The following SLC66A2 variants were observed in gnomAD, a reference collection of about 807,000 sequenced individuals.
The protein encoded by SLC66A2 is PQ loop repeat containing 1.
Under a neutral mutation model 25.5 loss-of-function variants are expected in SLC66A2, and 23 were observed. That is an observed-to-expected ratio of 0.90 (90% CI 0.65 to 1.28). SLC66A2 has a LOEUF of 1.28. Among genes scored for constraint, SLC66A2 ranks in the 50% most tolerant of loss-of-function variants. The pLI, the probability that SLC66A2 is intolerant of heterozygous loss-of-function variation, is 0.00. For missense variants in SLC66A2, 396 were observed against 373.1 expected (o/e 1.06, Z -0.51); for synonymous variants, 193 against 166.5 (o/e 1.16, Z -1.23).
At chr18:79,923,660 C>T (rs905449659) in intron 4 of SLC66A2, among the ~76,000 whole-genome samples, 4 of 152,184 alleles carry the variant, frequency 2.6e-5, no homozygotes, top group Non-Finnish European at 5.9e-5. Flanking sequence ...TGAGGAAACA[C>T]TTCAAGACAT....
chr18:79,910,772 T>C (rs980043590), intron 5 of SLC66A2, among the ~76,000 whole-genome samples: 4 of 152,238 alleles, frequency 2.6e-5, no homozygotes, highest in Admixed American at 6.5e-5. Flanking sequence ...TGTTCCAGTG[T>C]AGACGGAGGA....
intron 5 of SLC66A2, among the ~76,000 whole-genome samples, chr18:79,911,252 G>C (rs1159960896): frequency 6.6e-6 from 1 of 152,234 alleles, no homozygotes; most frequent in Non-Finnish European, 1.5e-5. Flanking sequence ...GTGGGGGCCT[G>C]GACATCTTTC....
At chr18:79,932,048 G>A (rs1366274986) in intron 4 of SLC66A2, among the ~76,000 whole-genome samples, 2 of 152,114 alleles carry the variant, frequency 1.3e-5, no homozygotes, top group Non-Finnish European at 2.9e-5. Flanking sequence ...ATAATACAGA[G>A]TATATTCTAC....
At chr18:79,909,230 G>A (rs556694209) in intron 5 of SLC66A2, among the ~76,000 whole-genome samples, 1 of 152,122 alleles carries the variant, frequency 6.6e-6, no homozygotes, top group Non-Finnish European at 1.5e-5. Flanking sequence ...TTGATCTTTG[G>A]ATCTGTCTTT....
rs576941609 is a variant in SLC66A2, at chr18:79,911,841, G to T, written c.608+7343C>A. Among the ~76,000 whole-genome samples the T allele has an allele frequency of 5.2e-5, 7 of 134,122 alleles. No individual in the cohort carries two copies. In the South Asian group the frequency reaches 1.9e-3, roughly 36 times the overall value. The allele number at this position is 134,122 out of a possible 152,430, so 88.0% of individuals were successfully genotyped here. A position where few individuals can be genotyped will look rare whatever the true frequency, so the allele number is the denominator to read the frequency against. Reference sequence around the variant, plus strand: ...GGGATGGAGCAGGAAGGGGACAGGAGCAGGGAGGGGAACAGTAGCAGGAGG... The same window carrying T: ...GGGATGGAGCAGGAAGGGGACAGGATCAGGGAGGGGAACAGTAGCAGGAGG... On this transcript the variant is annotated intron_variant, in intron 5 of 5. Coordinates refer to ENST00000397778, the MANE Select transcript of SLC66A2 (RefSeq NM_025078.5).
chr18:79,928,249 TG>T (rs1211006094), intron 4 of SLC66A2, among the ~76,000 whole-genome samples: 2 of 152,268 alleles, frequency 1.3e-5, no homozygotes, highest in African/African-American at 4.8e-5. Context: ...ATGAAAGTTT[TG>T]GGCTACCTAC....
intron 2 of SLC66A2, among the ~76,000 whole-genome samples, chr18:79,947,681 C>T (rs1013068680): frequency 6.6e-5 from 4 of 60,770 alleles, no homozygotes; most frequent in Non-Finnish European, 1.2e-4. Flanking sequence ...ACCCAAACAC[C>T]GAGTGTGCCT....
At chr18:79,950,670 A>C in intron 2 of SLC66A2, 54 bp downstream of exon 2, 1 of 1,584,646 alleles carries the variant, frequency 6.3e-7, no homozygotes, top group African/African-American at 1.3e-5. Context: ...AGAAACCCCA[A>C]AGGAGAAACC....
chr18:79,905,715 T>G (rs1279593620), intron 5 of SLC66A2, among the ~76,000 whole-genome samples: 1 of 152,234 alleles, frequency 6.6e-6, no homozygotes, highest in East Asian at 1.9e-4. Flanking sequence ...TCCCAGGATG[T>G]GCTTGCGAAC....
chr18:79,924,287 C>T (rs1253747755), intron 4 of SLC66A2, among the ~76,000 whole-genome samples: 2 of 152,124 alleles, frequency 1.3e-5, no homozygotes, highest in Non-Finnish European at 2.9e-5. Context: ...TGCAACAACA[C>T]GGATGGACCT....
intron 5 of SLC66A2, among the ~76,000 whole-genome samples, chr18:79,906,949 T>G (rs760682342): frequency 2.0e-5 from 3 of 152,254 alleles, no homozygotes; most frequent in Non-Finnish European, 4.4e-5. Flanking sequence ...TTACTTTGCC[T>G]GATATTAATA....
At position 79,940,674 on chromosome 18, in the gene SLC66A2, C is replaced by A. The variant is rs74469176; in HGVS notation, c.337+2655G>T. ...AGTGATGTTCCTGCCTTGCCCTCCC[C>A]TCTCCTGGCAGATGAGAGGACATGA... On this transcript the variant is annotated intron_variant, in intron 3 of 5. Transcript: ENST00000397778. This position sits in a 1 kb window ranked among gnomAD's most constrained non-coding sequence, Gnocchi z 4.1. Among the ~76,000 whole-genome samples, 1,469 of 152,216 alleles carry A rather than the reference C, an allele frequency of 9.7e-3. 85 individuals carry two copies. In the East Asian group the frequency reaches 0.15, roughly 16 times the overall value.
At chr18:79,913,854 AAG>A (rs1309197555) in intron 5 of SLC66A2, among the ~76,000 whole-genome samples, 1 of 152,166 alleles carries the variant, frequency 6.6e-6, no homozygotes, top group East Asian at 1.9e-4. Flanking sequence ...CCCCAGAGAA[AAG>A]GAGCTGAAGT....
At chr18:79,938,009 C>A (rs1987273160) in intron 3 of SLC66A2, among the ~76,000 whole-genome samples, 1 of 152,086 alleles carries the variant, frequency 6.6e-6, no homozygotes, top group African/African-American at 2.4e-5. Context: ...GACACAGGGG[C>A]TCACACCTGT....
chr18:79,924,199 G>A (rs975551028), intron 4 of SLC66A2, among the ~76,000 whole-genome samples: 1 of 152,212 alleles, frequency 6.6e-6, no homozygotes, highest in Non-Finnish European at 1.5e-5. Flanking sequence ...TGGTGCAGGT[G>A]GGGGCAGATT....
In SLC66A2 at chr18:79,927,521, G is replaced by A. The variant is rs1183750308; in HGVS notation, c.391+6448C>T. Among the ~76,000 whole-genome samples, 1 of 152,210 alleles carries A rather than the reference G, an allele frequency of 6.6e-6. No homozygotes were observed. Among genetic ancestry groups the A allele is most frequent in the Non-Finnish European group, 1.5e-5 (1 of 68,038 alleles). ...ATAAATGCCCTTCTTAGCCTTCGAG[G>A]CCGGCACTGGCCTCGCTGACCCCTC... On this transcript the variant is annotated intron_variant, in intron 4 of 5. Coordinates refer to ENST00000397778, the MANE Select transcript of SLC66A2 (RefSeq NM_025078.5). This position sits in a 1 kb window ranked among gnomAD's most constrained non-coding sequence, Gnocchi z 6.2.
intron 2 of SLC66A2, among the ~76,000 whole-genome samples, chr18:79,948,876 A>T (rs575232008): frequency 6.6e-6 from 1 of 152,230 alleles, no homozygotes; most frequent in African/African-American, 2.4e-5. Flanking sequence ...CACAACATGC[A>T]CTCAAAGTAA....
chr18:79,908,280 TTCGAGAAGG>T (rs1346914027), intron 5 of SLC66A2, among the ~76,000 whole-genome samples: 2 of 152,120 alleles, frequency 1.3e-5, no homozygotes, highest in Admixed American at 1.3e-4. Context: ...TTTCCTTTCA[TTCGAGAAGG>T]TCTTTATTTT....
At chr18:79,909,653 A>G (rs1409106827) in intron 5 of SLC66A2, among the ~76,000 whole-genome samples, 5 of 131,758 alleles carry the variant, frequency 3.8e-5, no homozygotes. Flanking sequence ...TCCTCACCAT[A>G]GAGTCCCCAA....
Sources: gnomAD v4.1 joint callset for allele counts (sites outside exome capture counted in the v4.1 genomes callset) on GRCh38, gnomAD v4.1.1 for gene constraint, Gnocchi (gnomAD v3.1) non-coding constraint, MANE v1.5 for transcripts, NCBI Gene and HGNC (gene_info 2026-07-23, HGNC 2026-07-21) for gene names.